Variants in CSMD1 observed in about 807,000 individuals in gnomAD.
CSMD1 encodes the protein CUB and sushi domain-containing protein 1.
Under a neutral mutation model 417.5 loss-of-function variants are expected in CSMD1, and 213 were observed. That is an observed-to-expected ratio of 0.51 (90% CI 0.46 to 0.57). The LOEUF (loss-of-function observed/expected upper bound fraction) is 0.57. CSMD1 is among the 20% of genes least tolerant of loss of function. The pLI is 0.00. For synonymous variants in CSMD1, 2,862 were observed against 1,736.8 expected, an observed-to-expected ratio of 1.65 and a Z score of -16.11; for missense variants, 6,923 against 4,529.7, an observed-to-expected ratio of 1.53 and a Z score of -15.17.
chr8:3,511,846 A>T (rs887035666), intron 10 of CSMD1, among the ~76,000 whole-genome samples: 3 of 151,822 alleles, frequency 2.0e-5, no homozygotes, highest in Non-Finnish European at 2.9e-5. Context: ...AAATAAAAAT[A>T]TAATAAATGT....
intron 3 of CSMD1, among the ~76,000 whole-genome samples, chr8:4,255,503 C>T (rs1731380921): frequency 1.3e-5 from 2 of 152,142 alleles, no homozygotes; most frequent in Non-Finnish European, 2.9e-5. Context: ...TTGAAATGTG[C>T]AATAGCAGTG....
chr8:3,452,084 A>T (rs1453862028), intron 12 of CSMD1, among the ~76,000 whole-genome samples: 10 of 152,176 alleles, frequency 6.6e-5, no homozygotes, highest in African/African-American at 2.2e-4. Flanking sequence ...AGCAATTGTG[A>T]ATGGGAGTTC....
rs144464514 is a variant in CSMD1 at position 4,026,062 on chromosome 8, T to C, written c.610+5843A>G. On this transcript the variant is annotated intron_variant, in intron 4 of 69. Coordinates refer to ENST00000635120, the MANE Select transcript of CSMD1 (RefSeq NM_033225.6). ...GTTCCTGCAAATAAATAAGTATTAA[T>C]AGAACTTTGGGGAAGCAGAATATAT... Among the ~76,000 whole-genome samples the C allele has an allele frequency of 6.1e-3, 927 of 151,452 alleles. 8 individuals are homozygous for C. Among genetic ancestry groups the C allele is most frequent in the African/African-American group, 0.019 (774 of 41,320 alleles).
At chr8:3,362,032 C>T (rs762557943) in intron 20 of CSMD1, among the ~76,000 whole-genome samples, 19 of 152,270 alleles carry the variant, frequency 1.2e-4, no homozygotes, top group South Asian at 4.1e-4. Context: ...CATCTTCTCA[C>T]CAACGCAAAG....
intron 7 of CSMD1, among the ~76,000 whole-genome samples, chr8:3,621,728 T>C (rs1468242829): frequency 6.6e-6 from 1 of 151,868 alleles, no homozygotes; most frequent in Non-Finnish European, 1.5e-5. Flanking sequence ...TACAGGTGCA[T>C]GCCACCACTC....
chr8:3,700,910 C>G (rs1055463181), intron 7 of CSMD1, among the ~76,000 whole-genome samples: 1 of 151,990 alleles, frequency 6.6e-6, no homozygotes, highest in Non-Finnish European at 1.5e-5. Flanking sequence ...ATATTTCACC[C>G]AGATCCTTCT....
At chr8:3,286,367 GTAT>G (rs1309278679) in intron 25 of CSMD1, among the ~76,000 whole-genome samples, 1 of 152,098 alleles carries the variant, frequency 6.6e-6, no homozygotes, top group African/African-American at 2.4e-5. Context: ...GGGTCAAATG[GTAT>G]TTCCAGTTCT....
At chr8:4,607,234 T>A (rs1800924665) in intron 2 of CSMD1, among the ~76,000 whole-genome samples, 1 of 152,068 alleles carries the variant, frequency 6.6e-6, no homozygotes, top group Non-Finnish European at 1.5e-5. Flanking sequence ...AATAAACAGG[T>A]AATTATAAGA....
intron 26 of CSMD1, among the ~76,000 whole-genome samples, chr8:3,242,793 GAAAGGGGTTGGGGCGCAGAAA>G (rs1010716785): frequency 6.8e-6 from 1 of 147,592 alleles, no homozygotes; most frequent in Non-Finnish European, 1.5e-5. Flanking sequence ...AGACAAGCGG[GAAAGGGGTTGGGGCGCAGAAA>G]TAAGGGGTTG....
At chr8:4,103,068 G>A (rs1286838044) in intron 3 of CSMD1, among the ~76,000 whole-genome samples, 1 of 152,044 alleles carries the variant, frequency 6.6e-6, no homozygotes, top group Non-Finnish European at 1.5e-5. Flanking sequence ...ACATGGTTGT[G>A]CCCTTGGTTT....
chr8:3,260,037 T>G (rs1179732954), intron 26 of CSMD1, among the ~76,000 whole-genome samples: 1 of 152,158 alleles, frequency 6.6e-6, no homozygotes, highest in East Asian at 1.9e-4. Context: ...GGAAAAGGTT[T>G]GCTCCTCCCC....
chr8:3,207,710 A>G (rs559406264), intron 30 of CSMD1, among the ~76,000 whole-genome samples: 3 of 152,314 alleles, frequency 2.0e-5, no homozygotes, highest in Non-Finnish European at 4.4e-5. Flanking sequence ...GACATCTGTC[A>G]GCTTTGATCT....
intron 3 of CSMD1, among the ~76,000 whole-genome samples, chr8:4,033,206 C>T (rs946589505): frequency 6.7e-5 from 10 of 150,362 alleles, no homozygotes; most frequent in South Asian, 6.4e-4. Context: ...TTTGGGAGGC[C>T]GAGGCAGGAG....
intron 1 of CSMD1, among the ~76,000 whole-genome samples, chr8:4,893,050 G>C (rs991660382): frequency 6.6e-6 from 1 of 152,114 alleles, no homozygotes; most frequent in Non-Finnish European, 1.5e-5. Context: ...TGACTTCCAG[G>C]AATGAGGGCT....
At position 4,242,179 on chromosome 8, in the gene CSMD1, A is replaced by G. The variant is rs576965831; in HGVS notation, c.415+177774T>C. On this transcript the variant is annotated intron_variant, in intron 3 of 69. Transcript: ENST00000635120. ...AATTAGACATCCTTCTCAGAATGGT[A>G]TATTAAAAACTTTAAATAAAAGAAT... Among the ~76,000 whole-genome samples, 11 of 152,310 alleles carry G rather than the reference A, an allele frequency of 7.2e-5. No individual in the cohort carries two copies. The East Asian group carries it at 9.7e-4, about 13-fold the overall frequency.
intron 2 of CSMD1, among the ~76,000 whole-genome samples, chr8:4,584,345 G>T (rs1016503198): frequency 2.0e-5 from 3 of 151,980 alleles, no homozygotes; most frequent in Non-Finnish European, 2.9e-5. Context: ...ATCGCCAATC[G>T]CCAAGCAGTG....
chr8:4,839,092 C>T (rs901979643), intron 1 of CSMD1, among the ~76,000 whole-genome samples: 10 of 152,268 alleles, frequency 6.6e-5, no homozygotes, highest in African/African-American at 2.2e-4. Context: ...TTTTACTCCT[C>T]TGAGTCAGTT....
chr8:3,985,196 A>G (rs1340228495), intron 5 of CSMD1, among the ~76,000 whole-genome samples: 1 of 152,144 alleles, frequency 6.6e-6, no homozygotes, highest in Non-Finnish European at 1.5e-5. Flanking sequence ...AGTTTGTGGT[A>G]AACTAGAAGG....
chr8:4,992,409 G>A (rs527543360), intron 1 of CSMD1, among the ~76,000 whole-genome samples: 1 of 152,348 alleles, frequency 6.6e-6, no homozygotes, highest in South Asian at 2.1e-4. Context: ...AGGGAACCGA[G>A]AGTGAGCTCA....
Sources: allele counts gnomAD v4.1 joint callset (sites outside exome capture counted in the v4.1 genomes callset), GRCh38; gene constraint gnomAD v4.1.1; transcripts MANE v1.5; gene names NCBI Gene and HGNC (gene_info 2026-07-23, HGNC 2026-07-21).